Variants in ASAH1 observed in about 807,000 individuals in gnomAD.
The protein encoded by ASAH1 is acid ceramidase.
ASAH1 carries 70 observed loss-of-function variants against 59.5 expected under a neutral mutation model. That is an observed-to-expected ratio of 1.18 (90% CI 0.97 to 1.43). The LOEUF is 1.43. Among genes scored for constraint, ASAH1 ranks in the 40% most tolerant of loss-of-function variants. ASAH1 has a pLI of 0.00. For synonymous variants in ASAH1, 213 were observed against 166.5 expected (o/e 1.28, Z -2.15); for missense variants, 660 against 482.5 (o/e 1.37, Z -3.45).
At chr8:18,067,467 A>G (rs1177420291) in intron 4 of ASAH1, 169 bp from the exon 5 acceptor site, 3 of 312,922 alleles carry the variant, frequency 9.6e-6, no homozygotes, top group Non-Finnish European at 1.7e-5. Flanking sequence ...TTTTTAAAGC[A>G]TTTTTACATC....
chr8:18,062,242 G>T (rs763715494), intron 8 of ASAH1, 37 bp downstream of exon 8: 50 of 1,613,332 alleles, frequency 3.1e-5, no homozygotes, highest in Non-Finnish European at 4.2e-5. Flanking sequence ...CAGGACAGAA[G>T]GCTACCTGTA....
At chr8:18,067,068 G>T in intron 5 of ASAH1, 152 bp downstream of exon 5, 2 of 205,248 alleles carry the variant, frequency 9.7e-6, no homozygotes, top group Non-Finnish European at 2.2e-5. Flanking sequence ...ATGCATTTCT[G>T]AAGCTTCACT....
At chr8:18,067,033 A>T (rs993512763) in intron 5 of ASAH1, 187 bp downstream of exon 5, 3 of 447,662 alleles carry the variant, frequency 6.7e-6, no homozygotes, top group Non-Finnish European at 1.2e-5. Flanking sequence ...CCGTATCTTG[A>T]TCTGAGTCAT....
At chr8:18,076,903 A>G (rs1800425132) in intron 1 of ASAH1, among the ~76,000 whole-genome samples, 1 of 152,252 alleles carries the variant, frequency 6.6e-6, no homozygotes, top group Admixed American at 6.5e-5. Flanking sequence ...TTGCCTTACC[A>G]CACTGTAAGT....
At chr8:18,058,981 A>G (rs1799579139) in intron 12 of ASAH1, 90 bp from the exon 13 acceptor site, 1 of 1,187,776 alleles carries the variant, frequency 8.4e-7, no homozygotes, top group Non-Finnish European at 1.2e-6. Context: ...AAACCAAGAC[A>G]TTCTTTAATC....
intron 3 of ASAH1, among the ~76,000 whole-genome samples, chr8:18,071,053 C>A (rs1588992121): frequency 2.0e-5 from 3 of 151,770 alleles, no homozygotes; most frequent in African/African-American, 7.2e-5. Flanking sequence ...ACTAAAAATA[C>A]AAAAATTAGC....
At chr8:18,062,981 T>C in intron 7 of ASAH1, 1 of 537,942 alleles carries the variant, frequency 1.9e-6, no homozygotes, top group Non-Finnish European at 3.4e-6. Context: ...AAAAAGTCTC[T>C]GCCTCAGGCT....
chr8:18,061,700 T>C lies in ASAH1; in HGVS notation c.689A>G (p.Asn230Ser). ...GCTCTACTTACCCAGATAACCACCA[T>C]TTATACTGAAACGTTCATTCAGTGT... Reference protein sequence around the residue: ...SLTLNERFSINGGYLGILEWI... With the variant: ...SLTLNERFSISGGYLGILEWI... The change falls in exon 9 of 14, where the codon AAT becomes AGT. Residue 230 changes from asparagine to serine, a missense_variant. Physicochemically the swap from Asn to Ser is conservative, Grantham distance 46. Transcript: ENST00000637790. The C allele has an allele frequency of 1.3e-6, 2 of 1,586,172 alleles. No individual in the cohort carries two copies. The highest frequency in any genetic ancestry group is 1.7e-6 in the Non-Finnish European group (2 of 1,164,302).
At chr8:18,083,117 C>T (rs1046632406) in intron 1 of ASAH1, 2 of 152,170 alleles carry the variant, frequency 1.3e-5, no homozygotes, top group Non-Finnish European at 2.9e-5. Context: ...CTTTCAATAA[C>T]CTACCTAAAC....
intron 10 of ASAH1, chr8:18,061,146 T>C (rs1799680308): frequency 5.0e-6 from 2 of 397,208 alleles, no homozygotes; most frequent in South Asian, 5.9e-5. Flanking sequence ...CATAGGTGCC[T>C]TTCATAATGT....
At chr8:18,077,389 A>T (rs1442070139) in intron 1 of ASAH1, among the ~76,000 whole-genome samples, 1 of 152,236 alleles carries the variant, frequency 6.6e-6, no homozygotes, top group East Asian at 1.9e-4. Flanking sequence ...CAATTTTTAT[A>T]GATCTTAGCA....
rs760287134 is a variant in ASAH1 at position 18,062,234 on chromosome 8, G to C, written c.648+45C>G. The C allele has an allele frequency of 1.9e-6, 3 of 1,613,274 alleles. No individual in the cohort carries two copies. In the Admixed American group the frequency reaches 5.0e-5, roughly 27 times the overall value. Reference sequence around the variant, plus strand: ...TTTCAACTTTTACATAACGGTAACAGGACAGAAGGCTACCTGTATAATTAT... The same window carrying C: ...TTTCAACTTTTACATAACGGTAACACGACAGAAGGCTACCTGTATAATTAT... On this transcript the variant is annotated intron_variant, in intron 8 of 13. Coordinates refer to ENST00000637790, the MANE Select transcript of ASAH1 (RefSeq NM_177924.5).
intron 1 of ASAH1, among the ~76,000 whole-genome samples, chr8:18,077,859 C>G (rs1227917133): frequency 6.6e-6 from 1 of 152,116 alleles, no homozygotes; most frequent in African/African-American, 2.4e-5. Flanking sequence ...CTCCGCTTTA[C>G]ATTTTCTTGT....
At chr8:18,062,252 A>G (rs1230938225) in intron 8 of ASAH1, 27 bp downstream of exon 8, 3 of 1,613,966 alleles carry the variant, frequency 1.9e-6, no homozygotes, top group Admixed American at 1.7e-5. Flanking sequence ...GGCTACCTGT[A>G]TAATTATGTA....
chr8:18,084,662 T>C (rs753137792), upstream of ASAH1: 1 of 1,613,320 alleles, frequency 6.2e-7, no homozygotes, highest in Non-Finnish European at 8.5e-7. Flanking sequence ...TCCTCCAAGC[T>C]GTTGGTTACC....
chr8:18,078,606 A>C (rs1255671743), intron 1 of ASAH1, among the ~76,000 whole-genome samples: 1 of 152,204 alleles, frequency 6.6e-6, no homozygotes, highest in Non-Finnish European at 1.5e-5. Context: ...AGGGAGACAC[A>C]GCTTCAAAAC....
In ASAH1 at chr8:18,061,138, T is replaced by C. The variant is rs61572357; in HGVS notation, c.785+239A>G. ...TTTTTCTGTACACCAAAAATATTCA[T>C]AGGTGCCTTTCATAATGTCAGTATC... On this transcript the variant is annotated intron_variant, in intron 10 of 13. Coordinates refer to ENST00000637790, the MANE Select transcript of ASAH1 (RefSeq NM_177924.5). The C allele has an allele frequency of 6.0e-3, 2,294 of 383,714 alleles. 80 individuals carry two copies. The Admixed American group carries it at 0.064, about 11-fold the overall frequency. The allele number at this position is 383,714 out of a possible 1,614,324, so 23.8% of individuals were successfully genotyped here.
chr8:18,074,450 T>C (rs904255244), intron 2 of ASAH1, among the ~76,000 whole-genome samples: 3 of 152,218 alleles, frequency 2.0e-5, no homozygotes, highest in African/African-American at 7.2e-5. Context: ...ATACATCGTT[T>C]AGACAACAAC....
Position 18,056,898 on chromosome 8 carries a change from G to C in ASAH1, c.*636C>G, listed in dbSNP as rs1027154579. On this transcript the variant is annotated 3_prime_UTR_variant, in exon 14 of 14. Coordinates refer to ENST00000637790, the MANE Select transcript of ASAH1 (RefSeq NM_177924.5). ...CAATTATTGTATAAAAGATTGCTTT[G>C]CATACTGATTACTTCTTGAACCCCA... is the stretch of plus-strand genomic sequence containing the variant. 1.3e-5 allele frequency: 2 copies of C among 152,442 alleles called. No individual in the cohort carries two copies. The highest frequency in any genetic ancestry group is 4.8e-5 in the African/African-American group (2 of 41,440). 9.4% of individuals were successfully genotyped at this position (152,442 alleles called of 1,614,324 possible).
Sources: allele counts gnomAD v4.1 joint callset (sites outside exome capture counted in the v4.1 genomes callset), GRCh38; gene constraint gnomAD v4.1.1; transcripts MANE v1.5; gene names NCBI Gene and HGNC (gene_info 2026-07-23, HGNC 2026-07-21).